The following DLG2 variants were observed in gnomAD, a reference collection of about 807,000 sequenced individuals.
DLG2 encodes discs large MAGUK scaffold protein 2.
In DLG2, 45 loss-of-function variants were observed where a neutral mutation model predicts 132.5. The observed-to-expected ratio is 0.34, with a 90% CI of 0.27 to 0.44. The LOEUF (loss-of-function observed/expected upper bound fraction) is 0.44, where lower values mean the gene tolerates loss of function less well. Among genes scored for constraint, DLG2 ranks in the 20% least tolerant of loss-of-function variants. The pLI, the probability that DLG2 is intolerant of heterozygous loss-of-function variation, is 1.00. For synonymous variants in DLG2, 424 were observed against 419.6 expected (o/e 1.01, Z -0.13); for missense variants, 1,045 against 1,196.9 (o/e 0.87, Z 1.87).
At chr11:85,535,321 G>A (rs1441386483) in intron 3 of DLG2, among the ~76,000 whole-genome samples, 1 of 152,008 alleles carries the variant, frequency 6.6e-6, no homozygotes, top group Admixed American at 6.5e-5. Context: ...ACCATATAAT[G>A]TTTACTTCCA....
chr11:84,777,279 GTGTATATATATA>G (rs1343905799), intron 6 of DLG2, among the ~76,000 whole-genome samples: 3 of 85,128 alleles, frequency 3.5e-5, no homozygotes, highest in East Asian at 3.3e-4. Flanking sequence ...ATATGTGTGT[GTGTATATATATA>G]TATATATATA....
At chr11:84,466,358 A>G (rs1360837584) in intron 7 of DLG2, among the ~76,000 whole-genome samples, 1 of 151,370 alleles carries the variant, frequency 6.6e-6, no homozygotes, top group Non-Finnish European at 1.5e-5. Flanking sequence ...AAAGATGAAT[A>G]ACAAACTAAA....
intron 3 of DLG2, among the ~76,000 whole-genome samples, chr11:85,492,769 C>A (rs966263300): frequency 6.8e-6 from 1 of 147,922 alleles, no homozygotes; most frequent in Admixed American, 6.6e-5. Flanking sequence ...TAGGGAGGTA[C>A]CTTAAAAGGA....
chr11:84,382,267 AG>A (rs1225998556), intron 7 of DLG2, among the ~76,000 whole-genome samples: 1 of 152,108 alleles, frequency 6.6e-6, no homozygotes, highest in Non-Finnish European at 1.5e-5. Flanking sequence ...TTAGAGAAAT[AG>A]GTAAAACCAC....
chr11:83,851,045 C>G (rs74679278), intron 16 of DLG2, among the ~76,000 whole-genome samples: 1 of 151,850 alleles, frequency 6.6e-6, no homozygotes, highest in African/African-American at 2.4e-5. Flanking sequence ...GGCGTGGTGG[C>G]GGGCGCCTGT....
intron 6 of DLG2, among the ~76,000 whole-genome samples, chr11:84,994,958 C>T (rs981724516): frequency 4.6e-5 from 7 of 152,086 alleles, no homozygotes; most frequent in Admixed American, 1.3e-4. Flanking sequence ...TGTAAGCACA[C>T]AGATAGATTC....
At chr11:84,621,085 T>C (rs546856700) in intron 6 of DLG2, among the ~76,000 whole-genome samples, 13 of 152,052 alleles carry the variant, frequency 8.5e-5, no homozygotes, top group Admixed American at 8.5e-4. Flanking sequence ...TTGCAGAAGG[T>C]GAAAGCACAT....
intron 18 of DLG2, among the ~76,000 whole-genome samples, chr11:83,697,391 G>A (rs2082123927): frequency 6.6e-6 from 1 of 152,170 alleles, no homozygotes; most frequent in Admixed American, 6.5e-5. Flanking sequence ...ACAGGCCACT[G>A]GCTTGTTGTA....
intron 3 of DLG2, among the ~76,000 whole-genome samples, chr11:85,450,124 C>T (rs532517796): frequency 1.3e-5 from 2 of 151,864 alleles, no homozygotes; most frequent in East Asian, 1.9e-4. Flanking sequence ...AGTGAAACTC[C>T]GTTTTAAAAA....
chr11:85,474,616 C>CTG (rs2093083317), intron 3 of DLG2, among the ~76,000 whole-genome samples: 2 of 151,950 alleles, frequency 1.3e-5, no homozygotes, highest in South Asian at 4.2e-4. Context: ...TATAGATATG[C>CTG]TGATCAGGAG....
intron 18 of DLG2, among the ~76,000 whole-genome samples, chr11:83,766,655 C>T (rs1034572153): frequency 6.6e-6 from 1 of 152,056 alleles, no homozygotes; most frequent in Non-Finnish European, 1.5e-5. Flanking sequence ...TCATTATTAG[C>T]AATGCTTTTG....
intron 10 of DLG2, among the ~76,000 whole-genome samples, chr11:84,064,878 C>G (rs2096647689): frequency 1.3e-5 from 2 of 152,018 alleles, no homozygotes; most frequent in Non-Finnish European, 2.9e-5. Context: ...GACACACAGA[C>G]CACTGGAACA....
At chr11:85,268,106 T>A (rs1156365100) in intron 4 of DLG2, among the ~76,000 whole-genome samples, 1 of 152,164 alleles carries the variant, frequency 6.6e-6, no homozygotes, top group African/African-American at 2.4e-5. Context: ...GAGTGTAGAA[T>A]GGACTCTGAC....
intron 21 of DLG2, among the ~76,000 whole-genome samples, chr11:83,506,145 G>T (rs1053992804): frequency 6.6e-6 from 1 of 152,166 alleles, no homozygotes; most frequent in Non-Finnish European, 1.5e-5. Flanking sequence ...TGGATGACCC[G>T]TAGTCAAACG....
In DLG2 at chr11:84,021,387, C is replaced by A. The variant is rs189850154; in HGVS notation, c.919+37928G>T. ...AAATGATTTACAATCTGTTATAAGC[C>A]CTTTCTCCCCAAAAGTTCATGTTTC... On this transcript the variant is annotated intron_variant, in intron 11 of 27. Coordinates refer to ENST00000376104, the MANE Select transcript of DLG2 (RefSeq NM_001142699.3). 1.3e-4 allele frequency among the ~76,000 whole-genome samples: 20 copies of A among 152,226 alleles called. No individual in the cohort carries two copies. In the East Asian group the frequency reaches 3.9e-3, roughly 29 times the overall value.
intron 6 of DLG2, among the ~76,000 whole-genome samples, chr11:84,778,133 C>T (rs1007337300): frequency 2.6e-5 from 4 of 151,970 alleles, no homozygotes; most frequent in South Asian, 4.1e-4. Context: ...TTTTGGTATA[C>T]GGCCAGAGAT....
intron 6 of DLG2, among the ~76,000 whole-genome samples, chr11:84,631,213 CT>C (rs1469745101): frequency 1.3e-5 from 2 of 151,852 alleles, no homozygotes; most frequent in Non-Finnish European, 2.9e-5. Flanking sequence ...AGCAGAGACT[CT>C]ATCTTTTCCA....
At chr11:84,733,411 C>A (rs561892520) in intron 6 of DLG2, among the ~76,000 whole-genome samples, 40 of 152,148 alleles carry the variant, frequency 2.6e-4, no homozygotes, top group Non-Finnish European at 5.2e-4. Context: ...GCATTTTTTA[C>A]TGTGTCTGTT....
At chr11:83,822,803 A>G (rs2051221827) in intron 17 of DLG2, among the ~76,000 whole-genome samples, 1 of 152,082 alleles carries the variant, frequency 6.6e-6, no homozygotes, top group Non-Finnish European at 1.5e-5. Flanking sequence ...CCTGGAACTG[A>G]CGTCTGTTGT....
Sources: gnomAD v4.1 joint callset for allele counts (sites outside exome capture counted in the v4.1 genomes callset) on GRCh38, gnomAD v4.1.1 for gene constraint, MANE v1.5 for transcripts, NCBI Gene and HGNC (gene_info 2026-07-23, HGNC 2026-07-21) for gene names.